ADGRF1: variants seen among roughly 807,000 people sequenced by gnomAD.
ADGRF1 encodes the protein adhesion G protein-coupled receptor F1.
ADGRF1 carries 85 observed loss-of-function variants against 87.2 expected under a neutral mutation model. The ratio of observed to expected loss-of-function variants is 0.97; its 90% CI spans 0.82 to 1.17. The LOEUF is 1.17. ADGRF1 is among the 50% of genes most tolerant of loss of function. ADGRF1 has a pLI of 0.00. For missense variants in ADGRF1, 1,169 were observed against 1,077.2 expected (o/e 1.09, Z -1.19); for synonymous variants, 430 against 408.8 (o/e 1.05, Z -0.63).
Position 47,009,056 on chromosome 6 carries a change from G to A in ADGRF1, c.2379C>T (p.Leu793=), listed in dbSNP as rs762703378. The A allele has an allele frequency of 3.7e-5, 59 of 1,613,958 alleles. No homozygotes were observed. In the East Asian group the frequency reaches 1.3e-3, roughly 35 times the overall value. The change falls in exon 11 of 15, where the codon CTC becomes CTT. Residue 793 remains leucine (L), a synonymous_variant. Coordinates refer to ENST00000371253, the MANE Select transcript of ADGRF1 (RefSeq NM_153840.4). ...GCCCTAGCAGAGGGGTCAGAATGAG[G>A]AGGCTCTTCCCCACGCGGATGATGG... ...KATIIRVGKS[L]LILTPLLGLT...
At chr6:47,030,678 C>G (rs1303850081) in intron 1 of ADGRF1, among the ~76,000 whole-genome samples, 1 of 148,910 alleles carries the variant, frequency 6.7e-6, no homozygotes, top group Non-Finnish European at 1.5e-5. Context: ...CTATATTCTA[C>G]TAAACTGATT....
Position 47,009,185 on chromosome 6 carries a change from A to C in ADGRF1, c.2250T>G (p.Pro750=). The stretch of plus-strand genomic sequence containing the variant: ...AGTTCACAGCCACAATAGCCAGTGC[A>C]GGGACAACAAAAGCCAGGAGTGGTT... The part of the protein sequence containing the change: ...GSKPLLAFVV[P]ALAIVAVNFV... Residue 750 remains proline, a synonymous_variant, in exon 11 of 15, where the codon CCT becomes CCG. Coordinates refer to ENST00000371253, the MANE Select transcript of ADGRF1 (RefSeq NM_153840.4). 6.2e-7 allele frequency: 1 copy of C among 1,614,200 alleles called. No individual in the cohort carries two copies. Among genetic ancestry groups the C allele is most frequent in the Non-Finnish European group, 8.5e-7 (1 of 1,180,036 alleles).
At chr6:47,025,259 C>T (rs563941666) in intron 4 of ADGRF1, among the ~76,000 whole-genome samples, 1 of 152,272 alleles carries the variant, frequency 6.6e-6, no homozygotes, top group South Asian at 2.1e-4. Flanking sequence ...ACAGAATCAC[C>T]TGGAAGATCT....
In ADGRF1 at chr6:47,014,829, A is replaced by G. The variant is rs755278021; in HGVS notation, c.779T>C (p.Ile260Thr). 1 of 1,609,752 alleles carries G rather than the reference A, an allele frequency of 6.2e-7. No individual in the cohort carries two copies. The highest frequency in any genetic ancestry group is 1.1e-5 in the South Asian group (1 of 90,412). Residue 260 changes from isoleucine to threonine, a missense_variant, in exon 9 of 15, where the codon ATT becomes ACT. Physicochemically the swap from Ile to Thr is moderately conservative, Grantham distance 89. Coordinates refer to ENST00000371253, the MANE Select transcript of ADGRF1 (RefSeq NM_153840.4). Reference sequence around the variant, plus strand: ...ATCCTTGGACCCAAATCCAAAGACAATGTCATTACACTGGGCTGGAAACAA... The same window carrying G: ...ATCCTTGGACCCAAATCCAAAGACAGTGTCATTACACTGGGCTGGAAACAA... ...RVFGKAQCND[I>T]VFGFGSKDDE...
chr6:47,031,681 A>T (rs180999436), intron 1 of ADGRF1, among the ~76,000 whole-genome samples: 319 of 152,182 alleles, frequency 2.1e-3, no homozygotes, highest in Non-Finnish European at 2.5e-3. Context: ...CTCACCCTAA[A>T]CCTACTAAAT....
In ADGRF1 at chr6:47,005,344, A is replaced by G. The variant is rs140067132; in HGVS notation, c.2592+473T>C. Among the ~76,000 whole-genome samples the G allele has an allele frequency of 4.3e-3, 657 of 152,316 alleles. 6 individuals are homozygous for G. Among genetic ancestry groups the G allele is most frequent in the African/African-American group, 0.015 (611 of 41,578 alleles). Reference sequence around the variant, plus strand: ...GAATCAGTGATAGCAGCCTAAAAAAAGAAAATTATTAATACATAATACTTT... The same window carrying G: ...GAATCAGTGATAGCAGCCTAAAAAAGGAAAATTATTAATACATAATACTTT... On this transcript the variant is annotated intron_variant, in intron 13 of 14. Coordinates refer to ENST00000371253, the MANE Select transcript of ADGRF1 (RefSeq NM_153840.4).
chr6:47,013,990 T>C (rs1304888142), intron 9 of ADGRF1: 1 of 155,570 alleles, frequency 6.4e-6, no homozygotes, highest in African/African-American at 2.4e-5. Context: ...ATATGCCTTT[T>C]GTACATCCTG....
In ADGRF1 at chr6:47,020,732, G is replaced by T; in HGVS notation, c.610C>A (p.Arg204=). The part of the protein sequence containing the change: ...GFESVQVTQF[R]NGSIVAGYEV... ...TTCTAAGACCATTGTGTTACTTACC[G>T]AAATTGGGTGACCTGAACCGACTCA... The change falls in exon 7 of 15, where the codon CGA becomes AGA. Residue 204 remains arginine, a splice_region_variant and synonymous_variant. Coordinates refer to ENST00000371253, the MANE Select transcript of ADGRF1 (RefSeq NM_153840.4). 1 of 1,613,588 alleles carries T rather than the reference G, an allele frequency of 6.2e-7. No homozygotes were observed. The highest frequency in any genetic ancestry group is 8.5e-7 in the Non-Finnish European group (1 of 1,179,528).
chr6:47,000,786 A>T (rs1384235084), intron 14 of ADGRF1, among the ~76,000 whole-genome samples: 2 of 152,240 alleles, frequency 1.3e-5, no homozygotes, highest in African/African-American at 4.8e-5. Context: ...TTCCTACATT[A>T]ATGATGACAT....
At chr6:47,034,663 A>C (rs532952750) in intron 1 of ADGRF1, among the ~76,000 whole-genome samples, 63 of 152,282 alleles carry the variant, frequency 4.1e-4, no homozygotes, top group African/African-American at 1.5e-3. Context: ...TCCACACCTC[A>C]AGAGAAACTC....
At chr6:47,033,750 T>C (rs1325900536) in intron 1 of ADGRF1, among the ~76,000 whole-genome samples, 1 of 152,268 alleles carries the variant, frequency 6.6e-6, no homozygotes, top group Non-Finnish European at 1.5e-5. Context: ...AACATTTTCA[T>C]TGGCATCTAT....
chr6:47,009,189 A>G lies in ADGRF1; in HGVS notation c.2246T>C (p.Val749Ala). 1 of 1,614,200 alleles carries G rather than the reference A, an allele frequency of 6.2e-7. No individual in the cohort carries two copies. Residue 749 changes from valine (V) to alanine (A), a missense_variant, in exon 11 of 15, where the codon GTC (valine) becomes GCC (alanine). Val to Ala is a moderately conservative substitution (Grantham distance 64, BLOSUM62 0). Coordinates refer to ENST00000371253, the MANE Select transcript of ADGRF1 (RefSeq NM_153840.4). ...CACAGCCACAATAGCCAGTGCAGGG[A>G]CAACAAAAGCCAGGAGTGGTTTGCT... ...NGSKPLLAFV[V>A]PALAIVAVNF... is the part of the protein sequence containing the mutation.
rs778874847 is a variant in ADGRF1, at chr6:47,027,779, A to G, written c.70-18T>C. 7.1e-7 allele frequency: 1 copy of G among 1,405,276 alleles called. No homozygotes were observed. The highest frequency in any genetic ancestry group is 1.0e-6 in the Non-Finnish European group (1 of 990,750). 87.1% of individuals were successfully genotyped at this position (1,405,276 alleles called of 1,614,324 possible). On this transcript the variant is annotated intron_variant, in intron 2 of 14. Transcript: ENST00000371253. ...TCATTTTTCTGTTAAAAAGAAAAAA[A>G]ATAGTTACGGTGAGACTTTGAAGAG... is the stretch of plus-strand genomic sequence containing the variant.
chr6:47,029,204 C>T, intron 1 of ADGRF1, 100 bp from the exon 2 acceptor site: 1 of 655,182 alleles, frequency 1.5e-6, no homozygotes, highest in Admixed American at 2.4e-5. Context: ...CTGAGCTGAT[C>T]CGAACCCCTG....
intron 10 of ADGRF1, among the ~76,000 whole-genome samples, chr6:47,010,739 C>G (rs1163890155): frequency 6.6e-6 from 1 of 152,162 alleles, no homozygotes; most frequent in African/African-American, 2.4e-5. Context: ...TTGCTAACAC[C>G]AGAAGTTCAA....
At chr6:47,021,386 A>C (rs1162238411) in intron 6 of ADGRF1, among the ~76,000 whole-genome samples, 1 of 152,004 alleles carries the variant, frequency 6.6e-6, no homozygotes, top group East Asian at 1.9e-4. Flanking sequence ...TTTGATGTGG[A>C]GTCTCACTCT....
At chr6:47,001,640 C>T in intron 13 of ADGRF1, 73 bp from the exon 14 acceptor site, 1 of 1,154,152 alleles carries the variant, frequency 8.7e-7, no homozygotes. Flanking sequence ...TTCCTGACTT[C>T]CTGATGTTAT....
intron 3 of ADGRF1, among the ~76,000 whole-genome samples, chr6:47,026,801 C>T (rs114008812): frequency 0.016 from 2,504 of 152,282 alleles, 66 homozygotes; most frequent in African/African-American, 0.057. Flanking sequence ...CATCTCCTTA[C>T]GGACTGGAGC....
chr6:47,003,659 C>T (rs1054950052), intron 13 of ADGRF1, among the ~76,000 whole-genome samples: 4 of 152,156 alleles, frequency 2.6e-5, no homozygotes, highest in East Asian at 1.9e-4. Context: ...CCATCTATGA[C>T]GTGGAAGCCC....
Sources: gnomAD v4.1 joint callset for allele counts (sites outside exome capture counted in the v4.1 genomes callset) on GRCh38, gnomAD v4.1.1 for gene constraint, MANE v1.5 for transcripts, NCBI Gene and HGNC (gene_info 2026-07-23, HGNC 2026-07-21) for gene names.